The following TADA1 variants were observed in gnomAD, a reference collection of about 807,000 sequenced individuals.
TADA1 encodes the protein transcriptional adapter 1.
Under a neutral mutation model 39.3 loss-of-function variants are expected in TADA1, and 23 were observed. That is an observed-to-expected ratio of 0.58 (90% CI 0.42 to 0.83). The LOEUF is 0.83. Ranked by LOEUF, TADA1 falls within the 40% of genes least tolerant of loss-of-function variation. The pLI is 0.00. For synonymous variants in TADA1, 137 were observed against 151.8 expected (o/e 0.90, Z 0.72); for missense variants, 352 against 408.1 (o/e 0.86, Z 1.18).
In TADA1 at chr1:166,860,210, A is replaced by G. The variant is rs941870197; in HGVS notation, c.668T>C (p.Val223Ala). ...CCTTTCTATTAAGTTGTTGTAAGCT[A>G]CTACACTATTCTTCAGGTATGGCTG... The part of the protein sequence containing the change: ...TPQPYLKNSV[V>A]AYNNLIESPP... Residue 223 changes from valine to alanine, a missense_variant, in exon 6 of 8, where the codon GTA becomes GCA. By Grantham distance (64) the Val-to-Ala change is moderately conservative. This residue lies in a region of TADA1 where 285 missense variants were observed against 310.9 expected (regional missense o/e 0.92). Transcript: ENST00000367874. 6.2e-7 allele frequency: 1 copy of G among 1,610,676 alleles called. No homozygotes were observed. Among genetic ancestry groups the G allele is most frequent in the Non-Finnish European group, 8.5e-7 (1 of 1,179,198 alleles).
At chr1:166,860,445 T>C (rs909478411) in intron 5 of TADA1, 108 bp from the exon 6 acceptor site, 1 of 1,083,862 alleles carries the variant, frequency 9.2e-7, no homozygotes, top group Non-Finnish European at 1.3e-6. Context: ...AGATGCAGAA[T>C]AGGTTAGTAT....
At chr1:166,870,450 C>G (rs1658631375) in intron 1 of TADA1, among the ~76,000 whole-genome samples, 1 of 152,168 alleles carries the variant, frequency 6.6e-6, no homozygotes, top group Admixed American at 6.5e-5. Flanking sequence ...TTAAGCGAAC[C>G]AGTCTGTGGT....
chr1:166,859,117 A>C (rs1411220099), intron 6 of TADA1, among the ~76,000 whole-genome samples: 1 of 152,242 alleles, frequency 6.6e-6, no homozygotes, highest in African/African-American at 2.4e-5. Flanking sequence ...GGCAATCTAA[A>C]CAGTAAACCC....
intron 7 of TADA1, 84 bp downstream of exon 7, chr1:166,858,035 A>G: frequency 6.6e-7 from 1 of 1,521,060 alleles, no homozygotes; most frequent in East Asian, 2.3e-5. Flanking sequence ...AGAAGTGGAA[A>G]AAACCAGTGA....
At chr1:166,867,318 G>A (rs747449237) in intron 3 of TADA1, among the ~76,000 whole-genome samples, 2 of 152,128 alleles carry the variant, frequency 1.3e-5, no homozygotes, top group Non-Finnish European at 2.9e-5. Flanking sequence ...TGGCTTTTCT[G>A]ATCAAATTAA....
chr1:166,872,633 T>C (rs536083839), intron 1 of TADA1, among the ~76,000 whole-genome samples: 2 of 151,644 alleles, frequency 1.3e-5, no homozygotes, highest in South Asian at 4.2e-4. Flanking sequence ...GATAGTGCCA[T>C]TGCACTCCAG....
intron 4 of TADA1, chr1:166,862,772 G>C (rs958629221): frequency 1.6e-5 from 4 of 250,822 alleles, no homozygotes; most frequent in Non-Finnish European, 3.1e-5. Flanking sequence ...ACCGTAAGTA[G>C]GTTCTAAAAG....
chr1:166,866,720 A>G (rs1658542780), intron 3 of TADA1, among the ~76,000 whole-genome samples: 1 of 151,922 alleles, frequency 6.6e-6, no homozygotes, highest in Admixed American at 6.6e-5. Flanking sequence ...ATACCACTTC[A>G]ACATTTGTTT....
chr1:166,868,135 T>A (rs973045912), intron 3 of TADA1, among the ~76,000 whole-genome samples: 2 of 152,260 alleles, frequency 1.3e-5, no homozygotes, highest in East Asian at 1.9e-4. Flanking sequence ...TAATTTTTTT[T>A]AAAAAGTCCA....
chr1:166,869,104 T>C (rs1658600671), intron 3 of TADA1: 1 of 311,014 alleles, frequency 3.2e-6, no homozygotes, highest in South Asian at 4.2e-5. Context: ...GGTGATCAAA[T>C]TGCATAGCTC....
chr1:166,863,923 T>C lies in TADA1; in HGVS notation c.233-2A>G. 4 of 1,594,628 alleles carry C rather than the reference T, an allele frequency of 2.5e-6. No homozygotes were observed. The highest frequency in any genetic ancestry group is 3.4e-6 in the Non-Finnish European group (4 of 1,175,048). On this transcript the variant is annotated splice_acceptor_variant, in intron 3 of 7. Transcript: ENST00000367874. LOFTEE classifies it high-confidence loss of function. The stretch of plus-strand genomic sequence containing the variant: ...GCCAAGGCAAAGATCCAGCACCATC[T>C]AGGAGACAGAAATATATAACCATAA...
chr1:166,858,349 T>C (rs1176684261), intron 6 of TADA1, 68 bp from the exon 7 acceptor site: 4 of 1,221,450 alleles, frequency 3.3e-6, no homozygotes, highest in Admixed American at 2.8e-5. Context: ...AGGAGTGGCC[T>C]GCTAGAATCT....
Position 166,857,636 on chromosome 1 carries a change from A to G in TADA1, c.939T>C (p.His313=), listed in dbSNP as rs765362854. 1.2e-6 allele frequency: 2 copies of G among 1,614,190 alleles called. No homozygotes were observed. The highest frequency in any genetic ancestry group is 1.7e-6 in the Non-Finnish European group (2 of 1,180,032). Residue 313 remains histidine (H), a synonymous_variant, in exon 8 of 8, where the codon CAT becomes CAC. Transcript: ENST00000367874. ...GAACTTTGTCTTGCTGCAGCTCTTC[A>G]TGATTTGGATGCCAGAGTTTCGTGA... ...RIITKLWHPN[H]EELQQDKVHR...
intron 4 of TADA1, among the ~76,000 whole-genome samples, chr1:166,863,488 C>T (rs12039764): frequency 0.38 from 57,431 of 152,016 alleles, 10,980 homozygotes; most frequent in Middle Eastern, 0.5. Context: ...TTAAAGGCCT[C>T]CAGGCTGCCT....
At chr1:166,869,681 C>T in intron 2 of TADA1, 82 bp downstream of exon 2, 2 of 1,521,762 alleles carry the variant, frequency 1.3e-6, no homozygotes, top group Non-Finnish European at 1.8e-6. Flanking sequence ...CAAAATTTTA[C>T]TTTTTAAAAA....
At chr1:166,869,629 A>T (rs1046999909) in intron 2 of TADA1, 119 bp from the exon 3 acceptor site, 1 of 1,374,374 alleles carries the variant, frequency 7.3e-7, no homozygotes, top group Non-Finnish European at 1.0e-6. Flanking sequence ...CTTTATACTT[A>T]AAGTATCCAC....
intron 4 of TADA1, 84 bp downstream of exon 4, chr1:166,863,740 A>T: frequency 8.1e-7 from 1 of 1,235,548 alleles, no homozygotes; most frequent in Non-Finnish European, 1.2e-6. Context: ...CCAGTATTTT[A>T]ATATTCATTT....
At chr1:166,870,079 C>A (rs1658624329) in intron 1 of TADA1, among the ~76,000 whole-genome samples, 1 of 152,134 alleles carries the variant, frequency 6.6e-6, no homozygotes, top group African/African-American at 2.4e-5. Flanking sequence ...TCCCCAAGTT[C>A]AGCATACATG....
At position 166,874,215 on chromosome 1, in the gene TADA1, C is replaced by T. The variant is rs369640341; in HGVS notation, c.74+1945G>A. On this transcript the variant is annotated intron_variant, in intron 1 of 7. Coordinates refer to ENST00000367874, the MANE Select transcript of TADA1 (RefSeq NM_053053.4). ...AATTAGCCGGGCGTGGTGGCAGGTG[C>T]CTGTAATCCCAGCTACTCAGGAGGC... 6.5e-4 allele frequency among the ~76,000 whole-genome samples: 99 copies of T among 151,906 alleles called. No homozygotes were observed. In the Middle Eastern group the frequency reaches 0.034, roughly 52 times the overall value.
Sources: allele counts gnomAD v4.1 joint callset (sites outside exome capture counted in the v4.1 genomes callset), GRCh38; gene constraint gnomAD v4.1.1; regional missense constraint gnomAD v4.1.1; transcripts MANE v1.5; gene names NCBI Gene and HGNC (gene_info 2026-07-23, HGNC 2026-07-21).